The following DHRS12 variants were observed in gnomAD, a reference collection of about 807,000 sequenced individuals.
DHRS12 encodes dehydrogenase/reductase SDR family member 12.
DHRS12 carries 29 observed loss-of-function variants against 32.1 expected under a neutral mutation model. The observed-to-expected ratio is 0.90, with a 90% CI of 0.67 to 1.23. The LOEUF (loss-of-function observed/expected upper bound fraction) is 1.23. Ranked by LOEUF, DHRS12 falls within the 50% of genes most tolerant of loss-of-function variation. The pLI is 0.00. For synonymous variants in DHRS12, 150 were observed against 135.9 expected (o/e 1.10, Z -0.72); for missense variants, 330 against 337.2 (o/e 0.98, Z 0.17).
intron 2 of DHRS12, among the ~76,000 whole-genome samples, chr13:51,798,208 G>C (rs1270459029): frequency 6.6e-6 from 1 of 152,172 alleles, no homozygotes; most frequent in African/African-American, 2.4e-5. Flanking sequence ...TAGCATAGTA[G>C]CTGACCCAGA....
At chr13:51,774,271 A>G in intron 5 of DHRS12, 6 of 464,804 alleles carry the variant, frequency 1.3e-5, no homozygotes, top group Non-Finnish European at 2.2e-5. Context: ...CTCCTACAGT[A>G]TTCTCCTACA....
chr13:51,800,056 C>CAGG (rs75226791), intron 1 of DHRS12, among the ~76,000 whole-genome samples: 1,906 of 152,242 alleles, frequency 0.013, 39 homozygotes, highest in East Asian at 0.11. Flanking sequence ...TATTGCATTG[C>CAGG]AGGACAGATA....
Position 51,769,281 on chromosome 13 carries a change from G to T in DHRS12, c.572C>A (p.Ala191Glu), listed in dbSNP as rs371510695. The T allele has an allele frequency of 2.2e-4, 352 of 1,575,610 alleles. No homozygotes were observed. The highest frequency in any genetic ancestry group is 2.7e-4 in the Non-Finnish European group (313 of 1,159,352). Residue 191 changes from alanine (A) to glutamate (E), a missense_variant, in exon 8 of 9, where the codon GCG becomes GAG. Coordinates refer to ENST00000444610, the MANE Select transcript of DHRS12 (RefSeq NM_001377533.1). ...GAACCTGGCGTGGAACCCCGGCATC[G>T]CCTGCCTCACACCTGGGAGAAGGAA... ...GWADTPGVRQ[A>E]MPGFHARFGD... is the part of the protein sequence containing the mutation.
intron 6 of DHRS12, 97 bp from the exon 7 acceptor site, chr13:51,772,008 C>T (rs1396255172): frequency 2.6e-6 from 3 of 1,172,584 alleles, no homozygotes; most frequent in South Asian, 1.3e-5. Context: ...TTATCTTACA[C>T]TGGACTCTGC....
At chr13:51,765,756 GAA>G (rs1342381212), downstream of DHRS12, 8 of 152,194 alleles carry the variant, frequency 5.3e-5, no homozygotes, top group Admixed American at 6.5e-5. Flanking sequence ...AAAAGATGGT[GAA>G]GTTTCTTTTC....
the DHRS12 span, among the ~76,000 whole-genome samples, chr13:51,759,421 T>C: frequency 6.6e-6 from 1 of 152,226 alleles, no homozygotes; most frequent in Non-Finnish European, 1.5e-5. Context: ...AACACAGTGC[T>C]CTGCAGCATT....
chr13:51,754,923 A>G, the DHRS12 span, among the ~76,000 whole-genome samples: 1 of 152,134 alleles, frequency 6.6e-6, no homozygotes, highest in African/African-American at 2.4e-5. Context: ...TATTTGAGAA[A>G]TTGTTTCACA....
chr13:51,797,738 A>G, intron 2 of DHRS12: 2 of 1,363,456 alleles, frequency 1.5e-6, no homozygotes, highest in Non-Finnish European at 1.0e-6. Context: ...GCCCTCTTCA[A>G]CCCAGGGAAA....
chr13:51,772,254 C>T (rs1954062253), intron 6 of DHRS12, among the ~76,000 whole-genome samples: 1 of 151,960 alleles, frequency 6.6e-6, no homozygotes, highest in South Asian at 2.1e-4. Context: ...CTTTGCTGCT[C>T]ACTGAGGGCA....
At chr13:51,787,345 C>T (rs1399407816) in intron 4 of DHRS12, among the ~76,000 whole-genome samples, 3 of 152,158 alleles carry the variant, frequency 2.0e-5, no homozygotes, top group Non-Finnish European at 4.4e-5. Context: ...AGATTACCCT[C>T]CTTTTCATCT....
intron 4 of DHRS12, among the ~76,000 whole-genome samples, chr13:51,781,777 G>T (rs1321014029): frequency 6.6e-6 from 1 of 152,206 alleles, no homozygotes; most frequent in Non-Finnish European, 1.5e-5. Flanking sequence ...CAGCCTCCAA[G>T]GGCAACGCCA....
rs1954360754 is a variant in DHRS12 at position 51,776,070 on chromosome 13, TC to T, written c.363+989del. ...TTCTCCTACATGTATTCTACAGTATTCTCCTACATGTATTCTCCTACATGTA... is the reference window on the plus strand; with the variant it reads ...TTCTCCTACATGTATTCTACAGTATTTCCTACATGTATTCTCCTACATGTA... On this transcript the variant is annotated intron_variant, in intron 5 of 8. Transcript: ENST00000444610. 2.0e-5 allele frequency: 2 copies of T among 98,318 alleles called. 1 individual carries two copies. The highest frequency in any genetic ancestry group is 6.9e-4 in the South Asian group (2 of 2,892). 6.1% of individuals were successfully genotyped at this position (98,318 alleles called of 1,614,324 possible).
At chr13:51,762,285 C>T in the DHRS12 span, 4 of 152,208 alleles carry the variant, frequency 2.6e-5, no homozygotes, top group Admixed American at 1.3e-4. Context: ...AGAGTGTCCC[C>T]GTCAGATCAC....
At chr13:51,795,241 G>A (rs1312871486) in intron 2 of DHRS12, among the ~76,000 whole-genome samples, 3 of 152,156 alleles carry the variant, frequency 2.0e-5, no homozygotes, top group Non-Finnish European at 4.4e-5. Context: ...AGGACCAGCT[G>A]CTCCACTGCC....
intron 6 of DHRS12, 81 bp downstream of exon 6, chr13:51,773,849 A>G: frequency 8.4e-7 from 1 of 1,195,060 alleles, no homozygotes; most frequent in Non-Finnish European, 1.2e-6. Context: ...ATTAATGTGC[A>G]TCCCAGAGTA....
At chr13:51,795,313 G>A (rs931315615) in intron 2 of DHRS12, among the ~76,000 whole-genome samples, 4 of 152,148 alleles carry the variant, frequency 2.6e-5, no homozygotes, top group Admixed American at 6.6e-5. Context: ...ACCTCCCACT[G>A]AGCAGGGCCT....
chr13:51,763,468 T>G (rs1162507217), downstream of DHRS12: 1 of 152,222 alleles, frequency 6.6e-6, no homozygotes, highest in Non-Finnish European at 1.5e-5. Context: ...GCACTGCCCT[T>G]ATGGAATATC....
At chr13:51,759,336 T>C in the DHRS12 span, among the ~76,000 whole-genome samples, 11 of 152,352 alleles carry the variant, frequency 7.2e-5, no homozygotes, top group African/African-American at 2.6e-4. Context: ...TTTAATGGAT[T>C]CAATCTATTT....
At chr13:51,783,006 C>T (rs368739674) in intron 4 of DHRS12, among the ~76,000 whole-genome samples, 1 of 152,162 alleles carries the variant, frequency 6.6e-6, no homozygotes, top group Non-Finnish European at 1.5e-5. Flanking sequence ...CACCATGGAG[C>T]TGCCGAGAAG....
Sources: gnomAD v4.1 joint callset for allele counts (sites outside exome capture counted in the v4.1 genomes callset) on GRCh38, gnomAD v4.1.1 for gene constraint, MANE v1.5 for transcripts, NCBI Gene and HGNC (gene_info 2026-07-23, HGNC 2026-07-21) for gene names.